MRTFB: variants seen among roughly 807,000 people sequenced by gnomAD.
MRTFB encodes the protein myocardin related transcription factor B, also known as myocardin-related transcription factor B.
Under a neutral mutation model 104.2 loss-of-function variants are expected in MRTFB, and 29 were observed. The observed-to-expected ratio is 0.28, with a 90% confidence interval of 0.21 to 0.38. The LOEUF (loss-of-function observed/expected upper bound fraction) is 0.38, where lower values mean the gene tolerates loss of function less well. MRTFB is among the 10% of genes least tolerant of loss of function. The pLI is 1.00. For missense variants in MRTFB, 1,270 were observed against 1,341.6 expected, an observed-to-expected ratio of 0.95 and a Z score of 0.83; for synonymous variants, 535 against 519.5, an observed-to-expected ratio of 1.03 and a Z score of -0.41.
intron 2 of MRTFB, among the ~76,000 whole-genome samples, chr16:14,095,193 C>T (rs1309330805): frequency 6.6e-6 from 1 of 152,226 alleles, no homozygotes; most frequent in Admixed American, 6.5e-5. Context: ...TTAAGACATA[C>T]AGTCAGATTA....
At chr16:14,161,118 G>T (rs1227606299) in intron 3 of MRTFB, among the ~76,000 whole-genome samples, 46 of 91,202 alleles carry the variant, frequency 5.0e-4, no homozygotes, top group African/African-American at 2.4e-3. Context: ...TTTTGTAATC[G>T]TGAGTTCAGG....
At chr16:14,219,847 T>TAA (rs897178457) in intron 8 of MRTFB, among the ~76,000 whole-genome samples, 25 of 152,210 alleles carry the variant, frequency 1.6e-4, no homozygotes, top group Non-Finnish European at 2.9e-5. Context: ...TGTTAGCAGA[T>TAA]AAGAGCTACT....
the MRTFB span, among the ~76,000 whole-genome samples, chr16:14,017,687 G>GTGTA: frequency 1.3e-3 from 9 of 6,812 alleles, no homozygotes; most frequent in African/African-American, 1.8e-3. Flanking sequence ...GTGTGTGTGT[G>GTGTA]TATATATATA....
In MRTFB at chr16:14,173,323, A is replaced by T. The variant is rs368142659; in HGVS notation, c.154+32563A>T. Among the ~76,000 whole-genome samples, 90 of 152,262 alleles carry T rather than the reference A, an allele frequency of 5.9e-4. 1 individual carries two copies. The South Asian group carries it at 0.017, about 29-fold the overall frequency. On this transcript the variant is annotated intron_variant, in intron 3 of 16. Transcript: ENST00000571589. ...ACTTAGAGAAACTGACATCTTTATG[A>T]TGTGTTATCCTATCCAAGACCAAGG...
upstream of MRTFB, among the ~76,000 whole-genome samples, chr16:14,070,132 G>C (rs974446641): frequency 1.3e-5 from 2 of 152,154 alleles, no homozygotes; most frequent in African/African-American, 4.8e-5. Context: ...AGGCTACCTA[G>C]AACCTCCAGG....
chr16:14,080,880 C>G (rs994163852), intron 2 of MRTFB, among the ~76,000 whole-genome samples: 6 of 152,208 alleles, frequency 3.9e-5, no homozygotes, highest in Non-Finnish European at 8.8e-5. Context: ...TGTATATATA[C>G]CACATTTTCG....
chr16:14,189,596 C>T (rs1186682933), intron 3 of MRTFB, among the ~76,000 whole-genome samples: 1 of 152,174 alleles, frequency 6.6e-6, no homozygotes, highest in Non-Finnish European at 1.5e-5. Flanking sequence ...AAATATTTAT[C>T]ATATTTTATA....
intron 3 of MRTFB, among the ~76,000 whole-genome samples, chr16:14,205,757 G>A (rs538932983): frequency 1.5e-4 from 23 of 152,158 alleles, no homozygotes; most frequent in African/African-American, 5.1e-4. Flanking sequence ...TAGTTTGTAC[G>A]TGTATCCTTT....
chr16:14,112,427 A>C (rs1411706817), intron 2 of MRTFB, among the ~76,000 whole-genome samples: 1 of 152,198 alleles, frequency 6.6e-6, no homozygotes, highest in Non-Finnish European at 1.5e-5. Context: ...GAGAGCTGGC[A>C]GGAAGAGTGG....
chr16:14,017,805 A>C, the MRTFB span, among the ~76,000 whole-genome samples: 1 of 142,294 alleles, frequency 7.0e-6, no homozygotes, highest in African/African-American at 2.6e-5. Flanking sequence ...AACCTCCTCA[A>C]ACTCCTGGGT....
At chr16:14,165,607 G>A (rs72785413) in intron 3 of MRTFB, among the ~76,000 whole-genome samples, 3,943 of 152,232 alleles carry the variant, frequency 0.026, 68 homozygotes, top group Non-Finnish European at 0.042. Context: ...TTTTGTACAT[G>A]TTGTTCTCTT....
At chr16:14,179,665 T>A (rs2187663) in intron 3 of MRTFB, among the ~76,000 whole-genome samples, 25,929 of 152,148 alleles carry the variant, frequency 0.17, 5,588 homozygotes, top group African/African-American at 0.5. Context: ...ACATTGAAAT[T>A]CTTTAGTGGT....
intron 2 of MRTFB, among the ~76,000 whole-genome samples, chr16:14,097,804 G>A (rs1382431291): frequency 6.6e-6 from 1 of 152,180 alleles, no homozygotes; most frequent in African/African-American, 2.4e-5. Context: ...TTGCTTGTTC[G>A]AGGGTTTTGT....
At chr16:14,250,500 G>C (rs1166092260) in intron 13 of MRTFB, among the ~76,000 whole-genome samples, 1 of 152,226 alleles carries the variant, frequency 6.6e-6, no homozygotes, top group Non-Finnish European at 1.5e-5. Flanking sequence ...ACAGAAAACA[G>C]CCTCTCCAAA....
chr16:14,032,497 A>T, the MRTFB span, among the ~76,000 whole-genome samples: 2 of 152,226 alleles, frequency 1.3e-5, no homozygotes, highest in Admixed American at 6.5e-5. Flanking sequence ...AGAAACGTAC[A>T]TAAATGTTTC....
chr16:14,209,090 GTGCTC>G (rs769137741), intron 3 of MRTFB, among the ~76,000 whole-genome samples: 8 of 152,196 alleles, frequency 5.3e-5, no homozygotes, highest in Non-Finnish European at 5.9e-5. Flanking sequence ...ACCTAAGACT[GTGCTC>G]TGCTCTGCAG....
At chr16:14,118,690 T>A (rs2036673657) in intron 2 of MRTFB, among the ~76,000 whole-genome samples, 1 of 151,696 alleles carries the variant, frequency 6.6e-6, no homozygotes, top group Middle Eastern at 3.4e-3. Flanking sequence ...TACACACTAT[T>A]GATATATACA....
chr16:14,043,537 C>A, the MRTFB span, among the ~76,000 whole-genome samples: 23 of 152,082 alleles, frequency 1.5e-4, no homozygotes, highest in Admixed American at 7.9e-4. Flanking sequence ...CCAACCAGAC[C>A]GCCTCAACAC....
chr16:14,029,528 C>G, the MRTFB span, among the ~76,000 whole-genome samples: 44,146 of 127,280 alleles, frequency 0.35, 7,959 homozygotes, highest in Admixed American at 0.49. Flanking sequence ...CACACACACA[C>G]ACATATATAT....
Sources: gnomAD v4.1 joint callset for allele counts (sites outside exome capture counted in the v4.1 genomes callset) on GRCh38, gnomAD v4.1.1 for gene constraint, MANE v1.5 for transcripts, NCBI Gene and HGNC (gene_info 2026-07-23, HGNC 2026-07-21) for gene names.